Variants in ERBIN observed in about 807,000 individuals in gnomAD.
ERBIN encodes erbb2 interacting protein.
ERBIN carries 60 observed loss-of-function variants against 158.4 expected under a neutral mutation model. The observed-to-expected ratio is 0.38, with a 90% CI of 0.31 to 0.47. The LOEUF (loss-of-function observed/expected upper bound fraction) is 0.47, where lower values mean the gene tolerates loss of function less well. Ranked by LOEUF, ERBIN falls within the 20% of genes least tolerant of loss-of-function variation. The probability of loss-of-function intolerance (pLI) is 0.99; values close to 1 mark genes in which losing one functional copy is unlikely to be tolerated. For missense variants in ERBIN, 1,610 were observed against 1,648.0 expected, an observed-to-expected ratio of 0.98 and a Z score of 0.40; for synonymous variants, 594 against 557.2, an observed-to-expected ratio of 1.07 and a Z score of -0.93.
At chr5:65,983,284 A>G (rs6871057) in intron 1 of ERBIN, among the ~76,000 whole-genome samples, 6,096 of 152,230 alleles carry the variant, frequency 0.04, 413 homozygotes, top group African/African-American at 0.14. Context: ...CTAGCCATCA[A>G]CATCTTTTCC....
At chr5:66,038,590 G>A (rs1162584644) in intron 15 of ERBIN, 108 bp downstream of exon 15, 3 of 723,414 alleles carry the variant, frequency 4.1e-6, no homozygotes, top group Non-Finnish European at 6.7e-6. Flanking sequence ...GGACTTCAGA[G>A]AATTGACCAA....
intron 4 of ERBIN, among the ~76,000 whole-genome samples, chr5:66,004,001 T>C (rs538152270): frequency 2.7e-5 from 4 of 147,820 alleles, no homozygotes; most frequent in Non-Finnish European, 4.5e-5. Flanking sequence ...TACAGTGGCA[T>C]GATCATAGCT....
At position 66,044,185 on chromosome 5, in the gene ERBIN, A is replaced by G; in HGVS notation, c.1477A>G (p.Asn493Asp). The change falls in exon 17 of 26, where the codon AAT (asparagine) becomes GAT (aspartate). Residue 493 changes from asparagine (N) to aspartate (D), a missense_variant. Physicochemically the swap from Asn to Asp is conservative, Grantham distance 23. This residue lies in a region of ERBIN where 596 missense variants were observed against 711.9 expected (regional missense o/e 0.84). Coordinates refer to ENST00000284037, the MANE Select transcript of ERBIN (RefSeq NM_001253697.2). ...YPTPYPDELK[N>D]MVKTVQTIVH... ...AACACCATACCCAGATGAGCTTAAG[A>G]ATATGGTCAAAACTGTTCAAACCAT... The G allele has an allele frequency of 6.2e-7, 1 of 1,600,758 alleles. No individual in the cohort carries two copies. Among genetic ancestry groups the G allele is most frequent in the Non-Finnish European group, 8.5e-7 (1 of 1,175,462 alleles).
rs1399986033 is a variant in ERBIN at position 66,082,346 on chromosome 5, T to C, written c.*3816T>C. 1 of 152,204 alleles carries C rather than the reference T, an allele frequency of 6.6e-6. No individual in the cohort carries two copies. The highest frequency in any genetic ancestry group is 1.9e-4 in the East Asian group (1 of 5,204). The allele number at this position is 152,204 out of a possible 1,614,324, so 9.4% of individuals were successfully genotyped here. On this transcript the variant is annotated 3_prime_UTR_variant, in exon 26 of 26. Coordinates refer to ENST00000284037, the MANE Select transcript of ERBIN (RefSeq NM_001253697.2). Reference sequence around the variant, plus strand: ...GAGGCTGACAAAAAGAATCCTTCTGTTACAACTTTCTTTTCTAATGTAACA... The same window carrying C: ...GAGGCTGACAAAAAGAATCCTTCTGCTACAACTTTCTTTTCTAATGTAACA...
chr5:65,956,372 A>ATTTTTTTTT (rs1200098319), intron 1 of ERBIN, among the ~76,000 whole-genome samples: 1 of 121,612 alleles, frequency 8.2e-6, no homozygotes, highest in African/African-American at 3.1e-5. Context: ...CTTTCAGGTG[A>ATTTTTTTTT]TTTTTTTTTT....
chr5:65,948,297 C>G (rs899611154), intron 1 of ERBIN, among the ~76,000 whole-genome samples: 2 of 151,870 alleles, frequency 1.3e-5, no homozygotes, highest in Admixed American at 6.6e-5. Context: ...GCCTCAGCCT[C>G]CCAAGTAGCT....
At chr5:66,065,884 T>C (rs941031167) in intron 21 of ERBIN, among the ~76,000 whole-genome samples, 2 of 152,154 alleles carry the variant, frequency 1.3e-5, no homozygotes, top group Non-Finnish European at 2.9e-5. Context: ...GGTTATATAA[T>C]GTTAGATGTG....
intron 1 of ERBIN, among the ~76,000 whole-genome samples, chr5:65,928,951 TAGAG>T (rs1220585119): frequency 1.3e-5 from 2 of 152,184 alleles, no homozygotes; most frequent in Admixed American, 6.5e-5. Flanking sequence ...AATTGGCAAA[TAGAG>T]AGTACTTCCA....
At chr5:66,016,610 G>A (rs1176284002) in intron 7 of ERBIN, among the ~76,000 whole-genome samples, 3 of 134,482 alleles carry the variant, frequency 2.2e-5, no homozygotes, top group Non-Finnish European at 3.1e-5. Context: ...TTATCTTCAT[G>A]AGATCTTTTT....
rs1284761021 is a variant in ERBIN at position 66,078,911 on chromosome 5, A to G, written c.*381A>G. The G allele has an allele frequency of 1.1e-5, 2 of 178,522 alleles. No individual in the cohort carries two copies. The highest frequency in any genetic ancestry group is 2.3e-5 in the Non-Finnish European group (2 of 85,402). The allele number at this position is 178,522 out of a possible 1,614,324, so 11.1% of individuals were successfully genotyped here. A position where few individuals can be genotyped will look rare whatever the true frequency, so the allele number is the denominator to read the frequency against. On this transcript the variant is annotated 3_prime_UTR_variant, in exon 26 of 26. Transcript: ENST00000284037. Reference sequence around the variant, plus strand: ...GACAGATGGCAGAGCTATCTCTCTCATAGCTTTTATGCCCTTATTTTTATT... The same window carrying G: ...GACAGATGGCAGAGCTATCTCTCTCGTAGCTTTTATGCCCTTATTTTTATT...
intron 1 of ERBIN, among the ~76,000 whole-genome samples, chr5:65,977,874 A>G (rs1241942444): frequency 1.3e-5 from 2 of 152,050 alleles, no homozygotes; most frequent in Non-Finnish European, 2.9e-5. Context: ...ACCATTGAGC[A>G]CTGAGTGAAC....
chr5:66,007,215 A>T (rs1345922836), intron 4 of ERBIN, among the ~76,000 whole-genome samples: 3 of 152,220 alleles, frequency 2.0e-5, no homozygotes, highest in African/African-American at 7.2e-5. Flanking sequence ...AGCCATAAAA[A>T]ATGATGAATT....
chr5:65,965,492 C>T (rs1748497017), intron 1 of ERBIN, among the ~76,000 whole-genome samples: 1 of 147,202 alleles, frequency 6.8e-6, no homozygotes, highest in African/African-American at 2.5e-5. Context: ...GCACCCTTCG[C>T]CTCCTGGGTT....
chr5:65,938,510 T>C (rs909167015), intron 1 of ERBIN, among the ~76,000 whole-genome samples: 2 of 151,878 alleles, frequency 1.3e-5, no homozygotes, highest in Admixed American at 6.6e-5. Flanking sequence ...TATTTATTTG[T>C]AGAGATGTGG....
chr5:65,951,114 A>C (rs1746456435), intron 1 of ERBIN, among the ~76,000 whole-genome samples: 1 of 152,116 alleles, frequency 6.6e-6, no homozygotes, highest in South Asian at 2.1e-4. Flanking sequence ...CGCCGGTGGA[A>C]GCCCTCAGTT....
intron 7 of ERBIN, among the ~76,000 whole-genome samples, chr5:66,017,403 T>C (rs1024306365): frequency 6.6e-6 from 1 of 152,156 alleles, no homozygotes; most frequent in Non-Finnish European, 1.5e-5. Flanking sequence ...CAAGATGATA[T>C]TTCATTGTAG....
At chr5:66,004,157 G>A (rs1322419561) in intron 4 of ERBIN, among the ~76,000 whole-genome samples, 4 of 149,190 alleles carry the variant, frequency 2.7e-5, no homozygotes, top group Non-Finnish European at 4.4e-5. Context: ...GCCCAGGCTG[G>A]TCTTGAACTC....
chr5:66,060,635 G>A (rs1011904716), intron 21 of ERBIN, among the ~76,000 whole-genome samples: 1 of 152,096 alleles, frequency 6.6e-6, no homozygotes, highest in Non-Finnish European at 1.5e-5. Context: ...TGATGTTAGG[G>A]TGTCAATTTT....
chr5:65,938,102 T>A (rs1417594064), intron 1 of ERBIN, among the ~76,000 whole-genome samples: 2 of 152,220 alleles, frequency 1.3e-5, no homozygotes, highest in East Asian at 3.8e-4. Flanking sequence ...TGTTTCTTGT[T>A]GATACGCATA....
Sources: allele counts gnomAD v4.1 joint callset (sites outside exome capture counted in the v4.1 genomes callset), GRCh38; gene constraint gnomAD v4.1.1; regional missense constraint gnomAD v4.1.1; transcripts MANE v1.5; gene names NCBI Gene and HGNC (gene_info 2026-07-23, HGNC 2026-07-21).